KNOP1: variants seen among roughly 807,000 people sequenced by gnomAD.
KNOP1 encodes the protein lysine-rich nucleolar protein 1.
Under a neutral mutation model 30.6 loss-of-function variants are expected in KNOP1, and 20 were observed. That is an observed-to-expected ratio of 0.65 (90% CI 0.46 to 0.95). KNOP1 has a LOEUF of 0.95. KNOP1 is among the 40% of genes least tolerant of loss of function. The probability of loss-of-function intolerance (pLI) is 0.00; values close to 1 mark genes in which losing one functional copy is unlikely to be tolerated. For synonymous variants in KNOP1, 204 were observed against 210.0 expected (o/e 0.97, Z 0.25); for missense variants, 540 against 562.0 (o/e 0.96, Z 0.40).
intron 4 of KNOP1, among the ~76,000 whole-genome samples, chr16:19,707,790 G>T (rs1165858273): frequency 1.3e-5 from 1 of 77,668 alleles, no homozygotes; most frequent in Admixed American, 1.7e-4. Flanking sequence ...CTCCCACCAC[G>T]CTACACAGCA....
rs1325734600 is a variant in KNOP1, at chr16:19,705,000, C to G, written c.*1910G>C. 3 of 357,740 alleles carry G rather than the reference C, an allele frequency of 8.4e-6. No individual in the cohort carries two copies. The highest frequency in any genetic ancestry group is 1.7e-5 in the Non-Finnish European group (3 of 179,944). 22.2% of individuals were successfully genotyped at this position (357,740 alleles called of 1,614,324 possible). On this transcript the variant is annotated 3_prime_UTR_variant, in exon 5 of 5. Coordinates refer to ENST00000219837, the MANE Select transcript of KNOP1 (RefSeq NM_001012991.3). ...TTCTTGACTGAAGGGAATCACCAGC[C>G]TTCCCATGACAGGGGCGGGTGCAGC... is the stretch of plus-strand genomic sequence containing the variant.
At position 19,704,802 on chromosome 16, in the gene KNOP1, G is replaced by A. The variant is rs1425396434; in HGVS notation, c.*2108C>T. On this transcript the variant is annotated 3_prime_UTR_variant, in exon 5 of 5. Coordinates refer to ENST00000219837, the MANE Select transcript of KNOP1 (RefSeq NM_001012991.3). ...GGAAAGAAAGGCAGGACAAGTTCACGTCCTGAGGGAAGTGGCCCAAGTAGG... is the reference window on the plus strand; with the variant it reads ...GGAAAGAAAGGCAGGACAAGTTCACATCCTGAGGGAAGTGGCCCAAGTAGG... 1 of 171,448 alleles carries A rather than the reference G, an allele frequency of 5.8e-6. No individual in the cohort carries two copies. Among genetic ancestry groups the A allele is most frequent in the African/African-American group, 2.4e-5 (1 of 41,914 alleles). 10.6% of individuals were successfully genotyped at this position (171,448 alleles called of 1,614,324 possible).
chr16:19,717,004 G>A (rs1208980996), intron 1 of KNOP1, among the ~76,000 whole-genome samples: 1 of 152,082 alleles, frequency 6.6e-6, no homozygotes, highest in Non-Finnish European at 1.5e-5. Flanking sequence ...CACCACGCCC[G>A]GCTAATTTTT....
chr16:19,716,100 A>C (rs1167601470), intron 1 of KNOP1, among the ~76,000 whole-genome samples: 1 of 152,192 alleles, frequency 6.6e-6, no homozygotes, highest in Admixed American at 6.5e-5. Flanking sequence ...GCTACAGGTC[A>C]AGTTCATTCA....
At chr16:19,713,111 T>C (rs1976805153) in intron 2 of KNOP1, among the ~76,000 whole-genome samples, 1 of 152,046 alleles carries the variant, frequency 6.6e-6, no homozygotes, top group Admixed American at 6.5e-5. Flanking sequence ...AAGTTTTTTT[T>C]TTTTGAGACA....
chr16:19,712,808 C>T (rs1007388553), intron 2 of KNOP1, among the ~76,000 whole-genome samples: 12 of 152,218 alleles, frequency 7.9e-5, no homozygotes, highest in African/African-American at 2.9e-4. Context: ...TCGGCCCACA[C>T]GTCCGTGCAC....
In KNOP1 at chr16:19,703,250, GACAGCACAC is replaced by G. The variant is rs966715063; in HGVS notation, c.*3651_*3659del. The stretch of plus-strand genomic sequence containing the variant: ...ACTTCCTTGCCTTTTCCAGCTTCTA[GACAGCACAC>G]ACATTCCTTGGCTTCTGACCCTTCC... On this transcript the variant is annotated 3_prime_UTR_variant, in exon 5 of 5. Coordinates refer to ENST00000219837, the MANE Select transcript of KNOP1 (RefSeq NM_001012991.3). 1 of 152,206 alleles carries G rather than the reference GACAGCACAC, an allele frequency of 6.6e-6. No homozygotes were observed. The highest frequency in any genetic ancestry group is 2.4e-5 in the African/African-American group (1 of 41,436). The allele number at this position is 152,206 out of a possible 1,614,324, so 9.4% of individuals were successfully genotyped here.
At chr16:19,717,544 C>T (rs1050605111) in intron 1 of KNOP1, 2 of 985,358 alleles carry the variant, frequency 2.0e-6, no homozygotes. Context: ...CCCCTTCTCT[C>T]CCCATCTCTT....
chr16:19,710,318 C>T (rs767635826), intron 4 of KNOP1, 191 bp downstream of exon 4: 30 of 645,110 alleles, frequency 4.7e-5, no homozygotes, highest in East Asian at 1.6e-4. Context: ...GGGAGGCAAG[C>T]GCCCTTTTCA....
chr16:19,710,143 C>T (rs978265932), intron 4 of KNOP1: 2 of 318,972 alleles, frequency 6.3e-6, no homozygotes, highest in Non-Finnish European at 1.2e-5. Context: ...ACTCCCTCCC[C>T]TCTGCCTCTT....
intron 2 of KNOP1, 83 bp downstream of exon 2, chr16:19,714,035 A>C (rs1216074618): frequency 8.2e-7 from 1 of 1,222,868 alleles, no homozygotes; most frequent in Admixed American, 2.2e-5. Context: ...GCATGTACAA[A>C]CATGCACACA....
intron 1 of KNOP1, chr16:19,716,333 G>A (rs1387936566): frequency 6.6e-6 from 1 of 152,340 alleles, no homozygotes; most frequent in Non-Finnish European, 1.5e-5. Context: ...AGGGAATAAG[G>A]TGTAATACAA....
intron 1 of KNOP1, chr16:19,716,634 A>G (rs1977107735): frequency 6.6e-6 from 1 of 152,216 alleles, no homozygotes; most frequent in Non-Finnish European, 1.5e-5. Flanking sequence ...CCTTGAACAG[A>G]ACAAGCCTGA....
chr16:19,702,573 T>C lies in KNOP1; in HGVS notation c.*4337A>G, dbSNP rs1976205559. 2.6e-5 allele frequency: 4 copies of C among 152,312 alleles called. 1 individual carries two copies. Among genetic ancestry groups the C allele is most frequent in the Middle Eastern group, 6.8e-3 (2 of 294 alleles). The allele number at this position is 152,312 out of a possible 1,614,324, so 9.4% of individuals were successfully genotyped here. A position where few individuals can be genotyped will look rare whatever the true frequency, so the allele number is the denominator to read the frequency against. ...GGCTTAGATTTTATATGTCCTTGTG[T>C]GTGCAGTTTCCCCCAGCCCTTTACT... On this transcript the variant is annotated 3_prime_UTR_variant, in exon 5 of 5. Coordinates refer to ENST00000219837, the MANE Select transcript of KNOP1 (RefSeq NM_001012991.3).
chr16:19,703,245 T>A lies in KNOP1; in HGVS notation c.*3665A>T, dbSNP rs1455808152. 3 of 152,244 alleles carry A rather than the reference T, an allele frequency of 2.0e-5. No homozygotes were observed. The highest frequency in any genetic ancestry group is 4.4e-5 in the Non-Finnish European group (3 of 68,074). The allele number at this position is 152,244 out of a possible 1,614,324, so 9.4% of individuals were successfully genotyped here. ...AATCTACTTCCTTGCCTTTTCCAGC[T>A]TCTAGACAGCACACACATTCCTTGG... On this transcript the variant is annotated 3_prime_UTR_variant, in exon 5 of 5. Transcript: ENST00000219837.
chr16:19,714,636 C>T lies in KNOP1; in HGVS notation c.400G>A (p.Asp134Asn). 2 of 1,614,068 alleles carry T rather than the reference C, an allele frequency of 1.2e-6. No homozygotes were observed. The highest frequency in any genetic ancestry group is 8.5e-7 in the Non-Finnish European group (1 of 1,180,000). The change falls in exon 2 of 5, where the codon GAC becomes AAC. Residue 134 changes from aspartate to asparagine, a missense_variant. By Grantham distance (23) the Asp-to-Asn change is conservative. Coordinates refer to ENST00000219837, the MANE Select transcript of KNOP1 (RefSeq NM_001012991.3). ...SHASGVKTSP[D>N]PRQGEEETRV... ...GTTTCCTCCTCACCCTGTCTAGGGT[C>T]TGGGGAGGTTTTCACCCCAGAGGCA...
At chr16:19,707,333 C>T in intron 4 of KNOP1, 112 bp from the exon 5 acceptor site, 1 of 789,536 alleles carries the variant, frequency 1.3e-6, no homozygotes, top group Non-Finnish European at 2.1e-6. Flanking sequence ...TGCTGTGTAC[C>T]AGGCACAGTG....
Position 19,703,007 on chromosome 16 carries a change from A to AAAAG in KNOP1, c.*3899_*3902dup, listed in dbSNP as rs3055689. The AAAAG allele has an allele frequency of 0.19, 28,993 of 150,030 alleles. 3,009 individuals are homozygous for AAAAG. The highest frequency in any genetic ancestry group is 0.26 in the South Asian group (1,230 of 4,770). 9.3% of individuals were successfully genotyped at this position (150,030 alleles called of 1,614,324 possible). A position where few individuals can be genotyped will look rare whatever the true frequency, so the allele number is the denominator to read the frequency against. On this transcript the variant is annotated 3_prime_UTR_variant, in exon 5 of 5. Transcript: ENST00000219837. ...AGAGTGAGACTGTCTCAAAAAAAAA[A>AAAAG]AAAGAAAGAAAAACAAAACCATGGC... is the stretch of plus-strand genomic sequence containing the variant.
At chr16:19,716,829 T>C (rs1977130321) in intron 1 of KNOP1, among the ~76,000 whole-genome samples, 1 of 152,216 alleles carries the variant, frequency 6.6e-6, no homozygotes, top group African/African-American at 2.4e-5. Context: ...AGCTAGATTG[T>C]TGGTAATCGT....
Sources: allele counts gnomAD v4.1 joint callset (sites outside exome capture counted in the v4.1 genomes callset), GRCh38; gene constraint gnomAD v4.1.1; transcripts MANE v1.5; gene names NCBI Gene and HGNC (gene_info 2026-07-23, HGNC 2026-07-21).